The following MTHFD1L variants were observed in gnomAD, a reference collection of about 807,000 sequenced individuals.
MTHFD1L encodes the protein monofunctional C1-tetrahydrofolate synthase, mitochondrial.
Under a neutral mutation model 119.5 loss-of-function variants are expected in MTHFD1L, and 81 were observed. The observed-to-expected ratio is 0.68, with a 90% CI of 0.57 to 0.82. MTHFD1L has a LOEUF of 0.82. Among genes scored for constraint, MTHFD1L ranks in the 40% least tolerant of loss-of-function variants. The pLI is 0.00. For missense variants in MTHFD1L, 1,125 were observed against 1,253.4 expected, an observed-to-expected ratio of 0.90 and a Z score of 1.55; for synonymous variants, 430 against 475.2, an observed-to-expected ratio of 0.90 and a Z score of 1.24.
intron 7 of MTHFD1L, among the ~76,000 whole-genome samples, chr6:150,893,277 C>A (rs999424284): frequency 1.3e-5 from 2 of 152,116 alleles, no homozygotes; most frequent in Non-Finnish European, 2.9e-5. Context: ...GTTGGCCAGG[C>A]TGGTCTCGAA....
At chr6:151,087,172 C>A (rs1793885850) in intron 26 of MTHFD1L, among the ~76,000 whole-genome samples, 1 of 151,932 alleles carries the variant, frequency 6.6e-6, no homozygotes, top group African/African-American at 2.4e-5. Flanking sequence ...TTGCTTGAAC[C>A]CACGAGGCGG....
intron 16 of MTHFD1L, among the ~76,000 whole-genome samples, chr6:150,951,554 A>C (rs1227502242): frequency 6.6e-6 from 1 of 152,076 alleles, no homozygotes; most frequent in African/African-American, 2.4e-5. Flanking sequence ...AGCATTTTGT[A>C]TTTTGTTAGC....
chr6:151,094,524 C>T (rs1376265450), intron 27 of MTHFD1L, among the ~76,000 whole-genome samples: 5 of 151,428 alleles, frequency 3.3e-5, no homozygotes, highest in East Asian at 2.0e-4. Flanking sequence ...CACCACGCCC[C>T]GCTGATTTTT....
chr6:151,040,909 ACT>A (rs1311000539), intron 26 of MTHFD1L, among the ~76,000 whole-genome samples: 1 of 152,028 alleles, frequency 6.6e-6, no homozygotes, highest in African/African-American at 2.4e-5. Flanking sequence ...TCCTGACGTC[ACT>A]CTTTCACTTA....
chr6:151,012,089 C>A (rs1782360848), intron 21 of MTHFD1L, among the ~76,000 whole-genome samples: 1 of 150,172 alleles, frequency 6.7e-6, no homozygotes, highest in Non-Finnish European at 1.5e-5. Context: ...GCTAGGCATC[C>A]CTCTCCTGGG....
Position 150,865,749 on chromosome 6 carries a change from G to A in MTHFD1L, c.-74G>A. ...GCCGCCGCCGCCGCCGCCGCCGCCT[G>A]CTCCCCTGGCACGCGCCCCGCCGCC... On this transcript the variant is annotated 5_prime_UTR_variant, in exon 1 of 28. Transcript: ENST00000367321. 1 of 1,082,656 alleles carries A rather than the reference G, an allele frequency of 9.2e-7. No individual in the cohort carries two copies. The highest frequency in any genetic ancestry group is 5.7e-5 in the East Asian group (1 of 17,596). 67.1% of individuals were successfully genotyped at this position (1,082,656 alleles called of 1,614,324 possible).
intron 11 of MTHFD1L, among the ~76,000 whole-genome samples, chr6:150,934,365 G>A (rs1791691510): frequency 6.6e-6 from 1 of 152,192 alleles, no homozygotes; most frequent in Non-Finnish European, 1.5e-5. Context: ...ATTCCCAGAT[G>A]TTCAAATCTA....
At chr6:150,955,824 G>A (rs1795558132) in intron 16 of MTHFD1L, among the ~76,000 whole-genome samples, 171 bp from the exon 17 acceptor site, 1 of 151,876 alleles carries the variant, frequency 6.6e-6, no homozygotes, top group Non-Finnish European at 1.5e-5. Context: ...TTGTTTGTTT[G>A]TTGTTTATTT....
chr6:151,047,517 TAAG>T (rs1788282436), intron 26 of MTHFD1L, among the ~76,000 whole-genome samples: 1 of 152,182 alleles, frequency 6.6e-6, no homozygotes, highest in African/African-American at 2.4e-5. Flanking sequence ...GACTAACCCC[TAAG>T]AATTTGCTGG....
At chr6:151,071,985 G>A (rs977847485) in intron 26 of MTHFD1L, among the ~76,000 whole-genome samples, 4 of 151,820 alleles carry the variant, frequency 2.6e-5, no homozygotes, top group Non-Finnish European at 5.9e-5. Context: ...TGGGATTCCA[G>A]GCACCCACCA....
intron 11 of MTHFD1L, among the ~76,000 whole-genome samples, chr6:150,928,025 A>G (rs1177924574): frequency 6.6e-6 from 1 of 152,196 alleles, no homozygotes; most frequent in African/African-American, 2.4e-5. Flanking sequence ...TGCCATTTTA[A>G]ACTGCTAGAA....
chr6:150,948,196 A>G (rs9371482), intron 15 of MTHFD1L, among the ~76,000 whole-genome samples: 120,157 of 151,728 alleles, frequency 0.79, 48,333 homozygotes, highest in East Asian at 0.96. Flanking sequence ...TAGTAGAGAC[A>G]GAGTTTCTCC....
chr6:150,922,860 T>G (rs1158884522), intron 10 of MTHFD1L, among the ~76,000 whole-genome samples: 1 of 152,070 alleles, frequency 6.6e-6, no homozygotes, highest in Non-Finnish European at 1.5e-5. Flanking sequence ...GGCCAGCCGG[T>G]CTCAAACTCC....
chr6:150,936,717 C>G (rs752798623), intron 11 of MTHFD1L, 87 bp from the exon 12 acceptor site: 166 of 1,483,890 alleles, frequency 1.1e-4, no homozygotes, highest in Non-Finnish European at 1.5e-4. Context: ...AATGAGCACC[C>G]TCAGATTTGA....
chr6:151,067,475 C>T (rs1002957740), intron 26 of MTHFD1L, among the ~76,000 whole-genome samples: 25 of 151,922 alleles, frequency 1.6e-4, no homozygotes, highest in African/African-American at 5.3e-4. Context: ...AGGTGTGCGC[C>T]ACCACACCCA....
intron 26 of MTHFD1L, among the ~76,000 whole-genome samples, chr6:151,076,048 C>T (rs1012905157): frequency 4.6e-5 from 7 of 152,182 alleles, no homozygotes; most frequent in African/African-American, 7.2e-5. Flanking sequence ...GTGAATACCG[C>T]TGCATAGCTA....
chr6:150,912,370 A>G (rs979173843), intron 8 of MTHFD1L, among the ~76,000 whole-genome samples: 22 of 151,138 alleles, frequency 1.5e-4, no homozygotes, highest in Admixed American at 1.2e-3. Context: ...AAAACCTCGC[A>G]TACATTTTGG....
intron 24 of MTHFD1L, among the ~76,000 whole-genome samples, chr6:151,022,956 T>C (rs998944746): frequency 1.3e-5 from 2 of 152,062 alleles, no homozygotes; most frequent in African/African-American, 4.8e-5. Flanking sequence ...TCTTATCCCC[T>C]GGCCCCCTTT....
intron 26 of MTHFD1L, among the ~76,000 whole-genome samples, chr6:151,080,853 G>A (rs1380009008): frequency 6.6e-6 from 1 of 152,076 alleles, no homozygotes; most frequent in Non-Finnish European, 1.5e-5. Context: ...TTCTTTTAAG[G>A]ACACTCAGTC....
Sources: gnomAD v4.1 joint callset for allele counts (sites outside exome capture counted in the v4.1 genomes callset) on GRCh38, gnomAD v4.1.1 for gene constraint, MANE v1.5 for transcripts, NCBI Gene and HGNC (gene_info 2026-07-23, HGNC 2026-07-21) for gene names.